CSMD1: variants seen among roughly 807,000 people sequenced by gnomAD.
The protein encoded by CSMD1 is CUB and sushi domain-containing protein 1.
CSMD1 carries 213 observed loss-of-function variants against 417.5 expected under a neutral mutation model. That is an observed-to-expected ratio of 0.51 (90% CI 0.46 to 0.57). The LOEUF is 0.57. CSMD1 is among the 20% of genes least tolerant of loss of function. CSMD1 has a pLI of 0.00. For synonymous variants in CSMD1, 2,862 were observed against 1,736.8 expected (o/e 1.65, Z -16.11); for missense variants, 6,923 against 4,529.7 (o/e 1.53, Z -15.17).
intron 3 of CSMD1, among the ~76,000 whole-genome samples, chr8:4,360,477 G>C (rs993660876): frequency 2.6e-5 from 4 of 151,946 alleles, no homozygotes; most frequent in African/African-American, 9.7e-5. Flanking sequence ...CTTTTTTCTT[G>C]CACATACTTC....
intron 10 of CSMD1, among the ~76,000 whole-genome samples, chr8:3,555,400 A>G (rs564741660): frequency 2.6e-4 from 40 of 152,196 alleles, no homozygotes; most frequent in African/African-American, 9.6e-4. Context: ...GAATTTAGCC[A>G]AATCATCCCA....
chr8:3,270,046 C>A (rs967543209), intron 26 of CSMD1, among the ~76,000 whole-genome samples: 44 of 118,396 alleles, frequency 3.7e-4, no homozygotes, highest in African/African-American at 1.3e-3. Context: ...CTAACCTCTT[C>A]TTTTTTTTTT....
intron 2 of CSMD1, among the ~76,000 whole-genome samples, chr8:4,629,366 T>TC (rs1485866557): frequency 6.6e-6 from 1 of 152,200 alleles, no homozygotes; most frequent in Non-Finnish European, 1.5e-5. Flanking sequence ...TGGCGAGCTA[T>TC]CATACTGCAT....
intron 1 of CSMD1, chr8:4,787,627 T>A (rs1041212263): frequency 3.2e-6 from 5 of 1,573,938 alleles, no homozygotes; most frequent in Non-Finnish European, 4.4e-6. Context: ...GAATAGCAAC[T>A]GGTTCTTTTC....
chr8:3,933,585 A>T (rs908421535), intron 5 of CSMD1, among the ~76,000 whole-genome samples: 3 of 152,150 alleles, frequency 2.0e-5, no homozygotes, highest in African/African-American at 7.2e-5. Context: ...AAAATATAGG[A>T]GTGTGTAGAA....
rs894717079 is a variant in CSMD1, at chr8:4,366,250, G to A, written c.415+53703C>T. Among the ~76,000 whole-genome samples, 8 of 90,714 alleles carry A rather than the reference G, an allele frequency of 8.8e-5. No individual in the cohort carries two copies. In the East Asian group the frequency reaches 1.9e-3, roughly 21 times the overall value. 59.5% of individuals were successfully genotyped at this position (90,714 alleles called of 152,430 possible). A position where few individuals can be genotyped will look rare whatever the true frequency, so the allele number is the denominator to read the frequency against. ...GCATCCATGTAGCTGCAAAAGACGT[G>A]ATTCTTTTTTTTTTCTGTTTTATGG... On this transcript the variant is annotated intron_variant, in intron 3 of 69. Coordinates refer to ENST00000635120, the MANE Select transcript of CSMD1 (RefSeq NM_033225.6).
Position 4,410,241 on chromosome 8 carries a change from C to G in CSMD1, c.415+9712G>C, listed in dbSNP as rs117518742. Among the ~76,000 whole-genome samples, 33 of 152,212 alleles carry G rather than the reference C, an allele frequency of 2.2e-4. 2 individuals are homozygous for G. The East Asian group carries it at 6.4e-3, about 29-fold the overall frequency. On this transcript the variant is annotated intron_variant, in intron 3 of 69. Transcript: ENST00000635120. ...GTAACTAATTCTGTAAGCCTCATGC[C>G]AACTCTCTAAGGTAGGTACCATTTA...
chr8:3,669,736 G>C lies in CSMD1; in HGVS notation c.1009+38678C>G, dbSNP rs566914389. The stretch of plus-strand genomic sequence containing the variant: ...ACAAAGAGGAAGGCCAGGAGGACAG[G>C]GGCCCTGACCTGGCTAAGCCTGAGG... On this transcript the variant is annotated intron_variant, in intron 7 of 69. Coordinates refer to ENST00000635120, the MANE Select transcript of CSMD1 (RefSeq NM_033225.6). Among the ~76,000 whole-genome samples, 157 of 152,208 alleles carry C rather than the reference G, an allele frequency of 1.0e-3. 1 individual carries two copies. Among genetic ancestry groups the C allele is most frequent in the African/African-American group, 3.6e-3 (151 of 41,542 alleles).
At chr8:4,691,903 T>A (rs141493479) in intron 1 of CSMD1, among the ~76,000 whole-genome samples, 2 of 152,350 alleles carry the variant, frequency 1.3e-5, no homozygotes, top group African/African-American at 2.4e-5. Flanking sequence ...TGAACTCAGT[T>A]TGGGGACATT....
At chr8:3,128,753 T>G in intron 41 of CSMD1, 2 of 406,938 alleles carry the variant, frequency 4.9e-6, no homozygotes, top group South Asian at 1.8e-5. Flanking sequence ...TATATCTCAG[T>G]GATAGGAAAT....
chr8:4,422,066 A>T (rs1797279255), intron 2 of CSMD1, among the ~76,000 whole-genome samples: 2 of 152,118 alleles, frequency 1.3e-5, no homozygotes, highest in Admixed American at 1.3e-4. Flanking sequence ...CACTAACTCA[A>T]ACAAATGAAC....
At chr8:4,007,128 G>A (rs572903511) in intron 4 of CSMD1, among the ~76,000 whole-genome samples, 23 of 152,090 alleles carry the variant, frequency 1.5e-4, no homozygotes, top group Non-Finnish European at 3.1e-4. Context: ...GTCAGCCACC[G>A]AGCCTGGCCA....
In CSMD1 at chr8:4,081,783, A is replaced by G. The variant is rs1339732193; in HGVS notation, c.416-49684T>C. ...ACCCCAAATATCTGGAAACCAAGCA[A>G]AACACTTGAATACACAATGGATCAA... On this transcript the variant is annotated intron_variant, in intron 3 of 69. Coordinates refer to ENST00000635120, the MANE Select transcript of CSMD1 (RefSeq NM_033225.6). Among the ~76,000 whole-genome samples, 3 of 152,226 alleles carry G rather than the reference A, an allele frequency of 2.0e-5. No individual in the cohort carries two copies. In the South Asian group the frequency reaches 6.2e-4, roughly 32 times the overall value.
chr8:4,438,189 A>T (rs577222955), intron 2 of CSMD1, among the ~76,000 whole-genome samples: 5 of 152,158 alleles, frequency 3.3e-5, no homozygotes, highest in Non-Finnish European at 7.3e-5. Flanking sequence ...ACTCATAAAC[A>T]TTGAGATCGA....
chr8:4,162,949 C>A (rs559351882), intron 3 of CSMD1, among the ~76,000 whole-genome samples: 1 of 152,316 alleles, frequency 6.6e-6, no homozygotes, highest in South Asian at 2.1e-4. Flanking sequence ...CTCTACAGTT[C>A]TGCCTTTTCC....
At chr8:3,681,719 G>C (rs1010574337) in intron 7 of CSMD1, among the ~76,000 whole-genome samples, 3 of 152,124 alleles carry the variant, frequency 2.0e-5, no homozygotes, top group Admixed American at 6.6e-5. Context: ...CCAAAAAAGA[G>C]CCCGCATTGC....
chr8:3,663,083 GC>G, intron 7 of CSMD1, among the ~76,000 whole-genome samples: 1 of 152,224 alleles, frequency 6.6e-6, no homozygotes, highest in Non-Finnish European at 1.5e-5. Flanking sequence ...CAAAATCAGA[GC>G]CCCACAGAAC....
chr8:3,438,992 G>C (rs1029655306), intron 12 of CSMD1, among the ~76,000 whole-genome samples: 1 of 150,864 alleles, frequency 6.6e-6, no homozygotes, highest in Non-Finnish European at 1.5e-5. Context: ...GTGGGCACCT[G>C]TAATCCCAAA....
chr8:3,926,108 C>CAAACACCATAT (rs1554488656), intron 5 of CSMD1, among the ~76,000 whole-genome samples: 1 of 79,180 alleles, frequency 1.3e-5, no homozygotes, highest in Non-Finnish European at 2.5e-5. Flanking sequence ...CACACACACA[C>CAAACACCATAT]ACACACACAC....
Sources: gnomAD v4.1 joint callset for allele counts (sites outside exome capture counted in the v4.1 genomes callset) on GRCh38, gnomAD v4.1.1 for gene constraint, MANE v1.5 for transcripts, NCBI Gene and HGNC (gene_info 2026-07-23, HGNC 2026-07-21) for gene names.